SLC4A5: variants seen among roughly 807,000 people sequenced by gnomAD.
SLC4A5 encodes the protein solute carrier family 4 member 5.
SLC4A5 carries 96 observed loss-of-function variants against 120.4 expected under a neutral mutation model. The ratio of observed to expected loss-of-function variants is 0.80; its 90% CI spans 0.68 to 0.94. The LOEUF (loss-of-function observed/expected upper bound fraction) is 0.94, where lower values mean the gene tolerates loss of function less well. Ranked by LOEUF, SLC4A5 falls within the 40% of genes least tolerant of loss-of-function variation. The pLI, the probability that SLC4A5 is intolerant of heterozygous loss-of-function variation, is 0.00. For synonymous variants in SLC4A5, 550 were observed against 571.1 expected (o/e 0.96, Z 0.53); for missense variants, 1,259 against 1,459.5 (o/e 0.86, Z 2.24).
chr2:74,311,708 T>C (rs572707582), intron 6 of SLC4A5, among the ~76,000 whole-genome samples: 1 of 152,352 alleles, frequency 6.6e-6, no homozygotes, highest in East Asian at 1.9e-4. Flanking sequence ...TTCAGGTGTG[T>C]TTTATGTCCC....
intron 6 of SLC4A5, among the ~76,000 whole-genome samples, chr2:74,305,703 C>T (rs1672619775): frequency 1.3e-5 from 2 of 151,218 alleles, no homozygotes; most frequent in Non-Finnish European, 1.5e-5. Flanking sequence ...CTTCCTCCCT[C>T]CAACTCCCTT....
intron 8 of SLC4A5, among the ~76,000 whole-genome samples, chr2:74,284,607 C>G (rs917952799): frequency 1.3e-5 from 2 of 152,114 alleles, no homozygotes; most frequent in African/African-American, 4.8e-5. Context: ...GGCAGTCTGT[C>G]TTCCTGTCCG....
chr2:74,224,880 CTCT>C (rs1390621398), exon 28 of SLC4A5: 2 of 1,613,592 alleles, frequency 1.2e-6, no homozygotes, highest in Middle Eastern at 1.7e-4. Flanking sequence ...TTTTCTCTTC[CTCT>C]TCTTGTCTGT....
Position 74,255,902 on chromosome 2 carries a change from TG to T in SLC4A5, c.897del (p.Lys300ArgfsTer16), listed in dbSNP as rs756538925. ...AGCACGTTGGACGCTTCTGAGTCCT[TG>T]GGGATCTTCTTCATGAATTTGTTTT... On this transcript the variant is annotated frameshift_variant, in exon 13 of 31. Transcript: ENST00000394019. LOFTEE classifies it high-confidence loss of function. The surrounding 1 kb of genome is among the most constrained non-coding windows in gnomAD (Gnocchi z 4.0). 3 of 1,613,966 alleles carry T rather than the reference TG, an allele frequency of 1.9e-6. No homozygotes were observed. Among genetic ancestry groups the T allele is most frequent in the Non-Finnish European group, 2.5e-6 (3 of 1,179,858 alleles).
exon 21 of SLC4A5, chr2:74,239,441 T>C (rs767096839): frequency 3.7e-6 from 6 of 1,614,118 alleles, no homozygotes; most frequent in East Asian, 2.2e-5. Flanking sequence ...TGGGATAAAC[T>C]TGCAGGAATT....
chr2:74,228,123 T>C (rs948513312), intron 25 of SLC4A5, among the ~76,000 whole-genome samples: 1 of 152,180 alleles, frequency 6.6e-6, no homozygotes. Flanking sequence ...GGCCCCTCAC[T>C]GCACCGTGCG....
chr2:74,236,693 A>G (rs1479754046), intron 21 of SLC4A5, among the ~76,000 whole-genome samples: 1 of 152,240 alleles, frequency 6.6e-6, no homozygotes, highest in East Asian at 1.9e-4. Context: ...TATTCCTAGC[A>G]TATACATCAA....
exon 24 of SLC4A5, chr2:74,232,558 G>A (rs2103914137): frequency 6.2e-7 from 1 of 1,614,024 alleles, no homozygotes; most frequent in East Asian, 2.2e-5. Flanking sequence ...AGATGACCGT[G>A]GCAGCCACGT....
Position 74,239,381 on chromosome 2 carries a change from G to T in SLC4A5, c.2273C>A (p.Thr758Asn), listed in dbSNP as rs371091088. The change falls in exon 21 of 31, where the codon ACC becomes AAC. Residue 758 changes from threonine to asparagine, a missense_variant. Coordinates refer to ENST00000394019, the Ensembl canonical transcript of SLC4A5. The stretch of plus-strand genomic sequence containing the variant: ...GAATTTGAACTTCTTCAGGGTCAGG[G>T]TCATGGAGTATGTCCCAAAGAAAAG... 5 of 1,614,072 alleles carry T rather than the reference G, an allele frequency of 3.1e-6. No individual in the cohort carries two copies. In the African/African-American group the frequency reaches 5.3e-5, roughly 17 times the overall value.
intron 6 of SLC4A5, among the ~76,000 whole-genome samples, chr2:74,312,121 C>T (rs973080965): frequency 6.6e-6 from 1 of 152,062 alleles, no homozygotes; most frequent in Non-Finnish European, 1.5e-5. Context: ...AATTAAGATA[C>T]CTATTCTTGC....
chr2:74,282,480 C>T (rs1558893529), intron 8 of SLC4A5, among the ~76,000 whole-genome samples: 1 of 152,236 alleles, frequency 6.6e-6, no homozygotes, highest in African/African-American at 2.4e-5. Flanking sequence ...AGGACCTCCT[C>T]AGATGCCATC....
In SLC4A5 at chr2:74,240,056, T is replaced by A. The variant is rs1320079397; in HGVS notation, c.2119-521A>T. Among the ~76,000 whole-genome samples the A allele has an allele frequency of 6.7e-5, 10 of 148,956 alleles. No individual in the cohort carries two copies. In the East Asian group the frequency reaches 2.0e-3, roughly 29 times the overall value. ...ATATATAAATTTATATATATATATA[T>A]ATAAATGTGTACTGTGAGACACACT... On this transcript the variant is annotated intron_variant, in intron 20 of 30. Transcript: ENST00000394019.
chr2:74,245,267 C>T (rs535322069), intron 19 of SLC4A5, among the ~76,000 whole-genome samples: 2 of 152,114 alleles, frequency 1.3e-5, no homozygotes, highest in East Asian at 1.9e-4. Context: ...TGCAGTGAGC[C>T]GAGATCGCGC....
chr2:74,288,885 C>T (rs1406179697), intron 7 of SLC4A5, among the ~76,000 whole-genome samples: 3 of 152,200 alleles, frequency 2.0e-5, no homozygotes, highest in Non-Finnish European at 4.4e-5. Context: ...CACCTCTAGC[C>T]ACCTACCCAT....
At chr2:74,247,459 G>T in intron 18 of SLC4A5, 152 bp from the exon 19 acceptor site, 1 of 766,092 alleles carries the variant, frequency 1.3e-6, no homozygotes, top group Non-Finnish European at 2.0e-6. Context: ...GACAATTCTT[G>T]GGCAGAGTTG....
chr2:74,241,240 G>A (rs1329020856), intron 20 of SLC4A5, among the ~76,000 whole-genome samples: 1 of 136,292 alleles, frequency 7.3e-6, no homozygotes, highest in East Asian at 2.1e-4. Context: ...CTTCCTTTGT[G>A]TGCGTGTCAT....
chr2:74,255,205 C>T lies in SLC4A5; in HGVS notation c.1026-499G>A, dbSNP rs935909735. 6.6e-6 allele frequency among the ~76,000 whole-genome samples: 1 copy of T among 152,200 alleles called. No individual in the cohort carries two copies. The highest frequency in any genetic ancestry group is 1.5e-5 in the Non-Finnish European group (1 of 68,040). On this transcript the variant is annotated intron_variant, in intron 13 of 30. Transcript: ENST00000394019. This position sits in a 1 kb window ranked among gnomAD's most constrained non-coding sequence, Gnocchi z 4.0. ...CCTCTTCCCCTCCCATGAGGCTCCC[C>T]CTTGAGCATCCTCACCTTTGTCTTG... is the stretch of plus-strand genomic sequence containing the variant.
chr2:74,272,193 T>C (rs1671495170), intron 8 of SLC4A5, among the ~76,000 whole-genome samples: 1 of 152,220 alleles, frequency 6.6e-6, no homozygotes, highest in African/African-American at 2.4e-5. Flanking sequence ...TCTGTGTGTC[T>C]GGGGTAGTAG....
At chr2:74,335,322 A>G (rs965414052) in intron 3 of SLC4A5, among the ~76,000 whole-genome samples, 1 of 152,204 alleles carries the variant, frequency 6.6e-6, no homozygotes, top group Non-Finnish European at 1.5e-5. Flanking sequence ...CATTTGGCAC[A>G]CACTATTGGG....
Sources: gnomAD v4.1 joint callset for allele counts (sites outside exome capture counted in the v4.1 genomes callset) on GRCh38, gnomAD v4.1.1 for gene constraint, Gnocchi (gnomAD v3.1) non-coding constraint, MANE v1.5 for transcripts, NCBI Gene and HGNC (gene_info 2026-07-23, HGNC 2026-07-21) for gene names.